Variants in SCOC observed in about 807,000 individuals in gnomAD.
SCOC encodes the protein short coiled coil protein.
In SCOC, 7 loss-of-function variants were observed where a neutral mutation model predicts 9.9. The observed-to-expected ratio is 0.71, with a 90% CI of 0.40 to 1.33. SCOC has a LOEUF of 1.33. Ranked by LOEUF, SCOC falls within the 40% of genes most tolerant of loss-of-function variation. The pLI, the probability that SCOC is intolerant of heterozygous loss-of-function variation, is 0.01. For synonymous variants in SCOC, 19 were observed against 28.2 expected (o/e 0.67, Z 1.03); for missense variants, 66 against 89.7 (o/e 0.74, Z 1.07).
chr4:140,373,640 G>T (rs1211763523), upstream of SCOC: 41 of 1,551,590 alleles, frequency 2.6e-5, no homozygotes, highest in Non-Finnish European at 3.5e-5. Flanking sequence ...GGGCGGAGCT[G>T]CCGGGGTCAG....
chr4:140,362,300 T>TCCTTCTCCTTCTCCTTCTCCTTCTCC (rs1553941120), intron 2 of SCOC, among the ~76,000 whole-genome samples: 2 of 36,588 alleles, frequency 5.5e-5, no homozygotes, highest in Admixed American at 2.4e-4. Flanking sequence ...CTTCTTCTTC[T>TCCTTCTCCTTCTCCTTCTCCTTCTCC]TTTTTTTTTT....
At chr4:140,275,510 G>C (rs1730959275) in intron 1 of SCOC, among the ~76,000 whole-genome samples, 1 of 152,158 alleles carries the variant, frequency 6.6e-6, no homozygotes, top group African/African-American at 2.4e-5. Context: ...ATTTATGTTT[G>C]CATCCTAAGT....
chr4:140,366,744 A>G (rs999157038), intron 2 of SCOC: 9 of 1,555,916 alleles, frequency 5.8e-6, no homozygotes, highest in Non-Finnish European at 7.1e-6. Flanking sequence ...TGCAAGGTCC[A>G]TCAACCAAAG....
intron 1 of SCOC, among the ~76,000 whole-genome samples, chr4:140,312,093 C>T (rs953179421): frequency 4.6e-5 from 7 of 152,170 alleles, no homozygotes; most frequent in Non-Finnish European, 7.3e-5. Flanking sequence ...ACTTCTATTG[C>T]TTTCTCCACC....
In SCOC at chr4:140,379,110, TC is replaced by T; in HGVS notation, c.-50-10del. 8 of 1,553,882 alleles carry T rather than the reference TC, an allele frequency of 5.1e-6. No individual in the cohort carries two copies. Among genetic ancestry groups the T allele is most frequent in the Non-Finnish European group, 7.1e-6 (8 of 1,125,342 alleles). On this transcript the variant is annotated splice_polypyrimidine_tract_variant and intron_variant, in intron 1 of 3. Coordinates refer to ENST00000608372, the MANE Select transcript of SCOC (RefSeq NM_001153484.2). ...GTATGTGTCTATATTTCTGAATTTT[TC>T]TTATTGTAGACCATTCCTCAAGAAT...
intron 1 of SCOC, among the ~76,000 whole-genome samples, chr4:140,287,290 C>T (rs1246198720): frequency 7.2e-6 from 1 of 139,728 alleles, no homozygotes; most frequent in African/African-American, 3.3e-5. Context: ...CCACACAGAC[C>T]ATGCACACAT....
intron 1 of SCOC, among the ~76,000 whole-genome samples, chr4:140,259,206 A>G (rs1158437936): frequency 2.0e-5 from 3 of 152,230 alleles, no homozygotes; most frequent in Admixed American, 6.5e-5. Flanking sequence ...ACAAGATGAA[A>G]AAGGATGCCC....
At chr4:140,281,493 T>C (rs949914597) in intron 1 of SCOC, among the ~76,000 whole-genome samples, 1 of 152,228 alleles carries the variant, frequency 6.6e-6, no homozygotes, top group African/African-American at 2.4e-5. Flanking sequence ...CCAGTCCTAA[T>C]ACTCATGGCT....
chr4:140,321,451 G>A (rs1032167859), intron 1 of SCOC, among the ~76,000 whole-genome samples: 2 of 152,148 alleles, frequency 1.3e-5, no homozygotes, highest in Non-Finnish European at 2.9e-5. Flanking sequence ...TGGACAACAT[G>A]CAAGATCAGA....
At chr4:140,353,971 G>A (rs1252837264) in intron 2 of SCOC, among the ~76,000 whole-genome samples, 2 of 152,316 alleles carry the variant, frequency 1.3e-5, no homozygotes, top group Non-Finnish European at 2.9e-5. Context: ...ACTTGCCTGC[G>A]CACATGCGTG....
intron 1 of SCOC, among the ~76,000 whole-genome samples, chr4:140,321,349 A>G (rs1732494894): frequency 6.6e-6 from 1 of 152,198 alleles, no homozygotes; most frequent in Non-Finnish European, 1.5e-5. Flanking sequence ...TCCCAAAGTA[A>G]TCAACAGAAC....
intron 2 of SCOC, among the ~76,000 whole-genome samples, chr4:140,351,923 A>G (rs1726997095): frequency 3.3e-5 from 5 of 152,178 alleles, no homozygotes; most frequent in Admixed American, 2.0e-4. Flanking sequence ...TTCTTTTCTG[A>G]TATGAATGGA....
At chr4:140,328,536 A>AAT (rs1193433322) in intron 1 of SCOC, among the ~76,000 whole-genome samples, 1 of 152,196 alleles carries the variant, frequency 6.6e-6, no homozygotes, top group Non-Finnish European at 1.5e-5. Flanking sequence ...TACTGGCTGC[A>AAT]ATCCTGTAAT....
chr4:140,331,912 A>T (rs1430515420), intron 1 of SCOC, among the ~76,000 whole-genome samples: 1 of 152,222 alleles, frequency 6.6e-6, no homozygotes, highest in Non-Finnish European at 1.5e-5. Context: ...CAGGTTGTAC[A>T]GGAAGCATGG....
At chr4:140,316,927 T>A (rs17005738) in intron 1 of SCOC, among the ~76,000 whole-genome samples, 16,750 of 152,134 alleles carry the variant, frequency 0.11, 1,336 homozygotes, top group African/African-American at 0.23. Context: ...TCCAGGCTCA[T>A]GAGAAAATAT....
At chr4:140,352,993 C>A (rs1270824942) in intron 2 of SCOC, among the ~76,000 whole-genome samples, 1 of 152,188 alleles carries the variant, frequency 6.6e-6, no homozygotes, top group Non-Finnish European at 1.5e-5. Context: ...AGTCTGCATT[C>A]CTGAAGAGGG....
upstream of SCOC, among the ~76,000 whole-genome samples, chr4:140,371,699 T>A (rs569674072): frequency 4.6e-5 from 7 of 152,338 alleles, no homozygotes; most frequent in African/African-American, 1.4e-4. Context: ...ACCACTTTTT[T>A]AAAAGTTGCT....
intron 1 of SCOC, among the ~76,000 whole-genome samples, chr4:140,306,885 A>T (rs571687847): frequency 2.0e-5 from 3 of 152,342 alleles, no homozygotes; most frequent in Admixed American, 6.5e-5. Flanking sequence ...TAATAGTGGA[A>T]TTAGGCATGA....
intron 3 of SCOC, among the ~76,000 whole-genome samples, chr4:140,380,194 C>CT (rs993271002): frequency 0.11 from 11,812 of 108,524 alleles, 893 homozygotes; most frequent in East Asian, 0.17. Context: ...TTTTCTTTTT[C>CT]TTTTTTTTTT....
Sources: allele counts gnomAD v4.1 joint callset (sites outside exome capture counted in the v4.1 genomes callset), GRCh38; gene constraint gnomAD v4.1.1; transcripts MANE v1.5; gene names NCBI Gene and HGNC (gene_info 2026-07-23, HGNC 2026-07-21).